Variants in PICALM observed in about 807,000 individuals in gnomAD.
PICALM encodes the protein phosphatidylinositol-binding clathrin assembly protein.
In PICALM, 40 loss-of-function variants were observed where a neutral mutation model predicts 80.5. The observed-to-expected ratio is 0.50, with a 90% CI of 0.39 to 0.65. The LOEUF is 0.65. Ranked by LOEUF, PICALM falls within the 30% of genes least tolerant of loss-of-function variation. The pLI is 0.00. For missense variants in PICALM, 676 were observed against 778.9 expected (o/e 0.87, Z 1.57); for synonymous variants, 288 against 260.3 (o/e 1.11, Z -1.02).
chr11:85,976,827 G>T (rs1004102071), intron 17 of PICALM, 145 bp from the exon 18 acceptor site: 20 of 551,686 alleles, frequency 3.6e-5, no homozygotes, highest in African/African-American at 3.6e-4. Flanking sequence ...AAGAACTGTC[G>T]ATTAATGGTC....
intron 12 of PICALM, among the ~76,000 whole-genome samples, chr11:85,995,612 G>A (rs1335004151): frequency 1.3e-5 from 2 of 151,942 alleles, no homozygotes; most frequent in Non-Finnish European, 2.9e-5. Context: ...AGTCTATTTA[G>A]AAAAACAACT....
At chr11:85,974,091 C>A (rs985219221) in intron 19 of PICALM, among the ~76,000 whole-genome samples, 1 of 151,342 alleles carries the variant, frequency 6.6e-6, no homozygotes, top group Non-Finnish European at 1.5e-5. Flanking sequence ...GGACAAAAAA[C>A]AATGTATATT....
chr11:86,023,896 G>C (rs1037511994), intron 3 of PICALM, among the ~76,000 whole-genome samples: 32 of 152,230 alleles, frequency 2.1e-4, no homozygotes, highest in African/African-American at 7.2e-4. Flanking sequence ...GGGAGGCTTA[G>C]GAGGATCGCT....
intron 14 of PICALM, 182 bp from the exon 15 acceptor site, chr11:85,982,185 G>C (rs2094458718): frequency 3.6e-6 from 2 of 561,388 alleles, no homozygotes; most frequent in Non-Finnish European, 6.4e-6. Context: ...TGAATTGACT[G>C]AGAAGGCTGT....
At chr11:85,978,250 C>G in intron 17 of PICALM, 1 of 646,292 alleles carries the variant, frequency 1.5e-6, no homozygotes, top group Admixed American at 2.2e-5. Context: ...GAAAGAACAT[C>G]TATACTAAAA....
chr11:86,003,968 TG>T (rs1018300693), intron 8 of PICALM, among the ~76,000 whole-genome samples: 1 of 152,214 alleles, frequency 6.6e-6, no homozygotes, highest in East Asian at 1.9e-4. Context: ...GGTGAGCATA[TG>T]GAACAACTGG....
intron 8 of PICALM, among the ~76,000 whole-genome samples, chr11:86,005,833 C>T (rs1300737278): frequency 1.3e-5 from 2 of 151,424 alleles, no homozygotes; most frequent in Admixed American, 6.6e-5. Flanking sequence ...TTACCACCAT[C>T]GTCCCTAAAG....
At position 86,056,247 on chromosome 11, in the gene PICALM, G is replaced by GA. The variant is rs1274263645; in HGVS notation, c.130+12403dup. Among the ~76,000 whole-genome samples the GA allele has an allele frequency of 4.8e-5, 7 of 146,212 alleles. No homozygotes were observed. In the South Asian group the frequency reaches 8.8e-4, roughly 18 times the overall value. On this transcript the variant is annotated intron_variant, in intron 1 of 19. Coordinates refer to ENST00000393346, the MANE Select transcript of PICALM (RefSeq NM_007166.4). ...GTGACAAGCCAAGCCACAGAATGGG[G>GA]AAAAAAATTACAAATCATATAAAGA...
upstream of PICALM, chr11:86,069,586 A>G (rs1179245819): frequency 6.6e-6 from 1 of 152,312 alleles, no homozygotes; most frequent in Non-Finnish European, 1.5e-5. Flanking sequence ...AGCAGAGTCA[A>G]GAATGTATTT....
intron 12 of PICALM, among the ~76,000 whole-genome samples, chr11:85,993,154 T>C (rs770379139): frequency 1.2e-4 from 18 of 151,752 alleles, no homozygotes; most frequent in Non-Finnish European, 1.9e-4. Flanking sequence ...GGCATAATCA[T>C]AGCTTACTGC....
At chr11:85,960,387 G>C (rs1415001286) in intron 19 of PICALM, among the ~76,000 whole-genome samples, 1 of 152,214 alleles carries the variant, frequency 6.6e-6, no homozygotes, top group East Asian at 1.9e-4. Flanking sequence ...AAGGGCTTAA[G>C]TATTCACTTG....
chr11:86,060,909 C>A (rs926986612), intron 1 of PICALM, among the ~76,000 whole-genome samples: 1 of 152,084 alleles, frequency 6.6e-6, no homozygotes, highest in Non-Finnish European at 1.5e-5. Context: ...ATGATGAAGG[C>A]ATGACCCATG....
At chr11:85,975,517 A>G (rs979755030) in intron 18 of PICALM, among the ~76,000 whole-genome samples, 2 of 146,574 alleles carry the variant, frequency 1.4e-5, no homozygotes, top group African/African-American at 2.5e-5. Flanking sequence ...AAGAAGTTCT[A>G]TTTATTGTTT....
chr11:85,968,595 A>G (rs1374209677), intron 19 of PICALM, among the ~76,000 whole-genome samples: 1 of 152,242 alleles, frequency 6.6e-6, no homozygotes, highest in African/African-American at 2.4e-5. Context: ...GCTTAATAAC[A>G]TAATAGCTGT....
intron 18 of PICALM, among the ~76,000 whole-genome samples, chr11:85,975,592 CTTTTTT>C (rs11407535): frequency 2.2e-5 from 2 of 89,642 alleles, no homozygotes; most frequent in African/African-American, 4.5e-5. Context: ...TCTCAGCAGA[CTTTTTT>C]TTTTTTTTTT....
At chr11:86,030,076 T>C (rs2095722162) in intron 2 of PICALM, among the ~76,000 whole-genome samples, 1 of 152,140 alleles carries the variant, frequency 6.6e-6, no homozygotes, top group African/African-American at 2.4e-5. Context: ...AGTTTAAAAA[T>C]TGTGAACTAT....
At chr11:86,041,236 T>A (rs1368043140) in intron 1 of PICALM, among the ~76,000 whole-genome samples, 4 of 152,200 alleles carry the variant, frequency 2.6e-5, no homozygotes, top group Non-Finnish European at 4.4e-5. Context: ...AAATGAAATG[T>A]AACTTAGAAG....
chr11:85,999,458 A>T (rs945610313), intron 11 of PICALM, among the ~76,000 whole-genome samples: 2 of 152,230 alleles, frequency 1.3e-5, no homozygotes, highest in Non-Finnish European at 2.9e-5. Flanking sequence ...TCTTTCTCCT[A>T]GGACAGACTT....
intron 1 of PICALM, among the ~76,000 whole-genome samples, chr11:86,064,946 G>A (rs1447131655): frequency 6.6e-6 from 1 of 151,980 alleles, no homozygotes; most frequent in Non-Finnish European, 1.5e-5. Flanking sequence ...ACCAGGCGTG[G>A]TGGCACATGC....
Sources: allele counts gnomAD v4.1 joint callset (sites outside exome capture counted in the v4.1 genomes callset), GRCh38; gene constraint gnomAD v4.1.1; transcripts MANE v1.5; gene names NCBI Gene and HGNC (gene_info 2026-07-23, HGNC 2026-07-21).